NR3C2: variants seen among roughly 807,000 people sequenced by gnomAD.
NR3C2 encodes the protein mineralocorticoid receptor.
In NR3C2, 15 loss-of-function variants were observed where a neutral mutation model predicts 86.4. The observed-to-expected ratio is 0.17, with a 90% CI of 0.12 to 0.27. The LOEUF is 0.27. NR3C2 is among the 10% of genes least tolerant of loss of function. The pLI is 1.00. For missense variants in NR3C2, 960 were observed against 1,195.6 expected, an observed-to-expected ratio of 0.80 and a Z score of 2.91; for synonymous variants, 458 against 450.5, an observed-to-expected ratio of 1.02 and a Z score of -0.21.
At chr4:148,212,751 C>T (rs573156996) in intron 3 of NR3C2, among the ~76,000 whole-genome samples, 10 of 152,306 alleles carry the variant, frequency 6.6e-5, no homozygotes, top group Admixed American at 6.5e-4. Flanking sequence ...AATAGATTCT[C>T]ATTTAATCAA....
At chr4:148,130,112 C>A (rs568174279) in intron 6 of NR3C2, among the ~76,000 whole-genome samples, 69 of 152,130 alleles carry the variant, frequency 4.5e-4, no homozygotes, top group African/African-American at 1.6e-3. Context: ...GGAAAGCATG[C>A]GGGGTAAAAA....
Position 148,436,726 on chromosome 4 carries a change from A to C in NR3C2, c.135T>G (p.Ile45Met), listed in dbSNP as rs775258394. 1.5e-5 allele frequency: 25 copies of C among 1,614,170 alleles called. No individual in the cohort carries two copies. The highest frequency in any genetic ancestry group is 2.1e-5 in the Non-Finnish European group (25 of 1,180,040). Reference protein sequence around the residue: ...ERTDENNYMEIVNVSCVSGAI... With the variant: ...ERTDENNYMEMVNVSCVSGAI... ...CACCGGAAACACAGCTTACGTTGAC[A>C]ATCTCCATGTAGTTATTCTCATCGG... Residue 45 changes from isoleucine to methionine, a missense_variant, in exon 2 of 9, where the codon ATT (isoleucine) becomes ATG (methionine). By Grantham distance (10) the Ile-to-Met change is conservative. Transcript: ENST00000358102.
intron 5 of NR3C2, 53 bp from the exon 6 acceptor site, chr4:148,152,666 C>T (rs753590460): frequency 3.9e-5 from 61 of 1,576,330 alleles, no homozygotes; most frequent in Non-Finnish European, 5.3e-5. Flanking sequence ...TAAGTACATT[C>T]CAGGAAGATG....
intron 8 of NR3C2, among the ~76,000 whole-genome samples, chr4:148,083,207 A>G (rs1235574798): frequency 4.6e-5 from 7 of 152,228 alleles, no homozygotes; most frequent in Admixed American, 3.9e-4. Flanking sequence ...GGTTCTCCCA[A>G]CACAGCACTA....
At chr4:148,092,832 T>G (rs1731118797) in intron 8 of NR3C2, among the ~76,000 whole-genome samples, 2 of 151,482 alleles carry the variant, frequency 1.3e-5, no homozygotes, top group Non-Finnish European at 2.9e-5. Context: ...GGGGTCGGAG[T>G]GGGGAGGGTG....
At chr4:148,298,167 A>G (rs1742156931) in intron 2 of NR3C2, among the ~76,000 whole-genome samples, 1 of 152,242 alleles carries the variant, frequency 6.6e-6, no homozygotes, top group African/African-American at 2.4e-5. Context: ...GAAGCAGCCT[A>G]TAGACAATAA....
intron 3 of NR3C2, among the ~76,000 whole-genome samples, chr4:148,229,237 C>A (rs1433548441): frequency 6.6e-6 from 1 of 152,130 alleles, no homozygotes; most frequent in African/African-American, 2.4e-5. Context: ...GAAATTCACG[C>A]CTTAGGCACT....
chr4:148,222,501 A>C (rs1477545023), intron 3 of NR3C2, among the ~76,000 whole-genome samples: 1 of 152,248 alleles, frequency 6.6e-6, no homozygotes, highest in Non-Finnish European at 1.5e-5. Context: ...CTCTCTGGTA[A>C]AAATGGCAAT....
At chr4:148,381,836 T>C (rs1318110102) in intron 2 of NR3C2, among the ~76,000 whole-genome samples, 1 of 152,188 alleles carries the variant, frequency 6.6e-6, no homozygotes, top group African/African-American at 2.4e-5. Context: ...TGTGTGTATT[T>C]TTCAGATGTT....
intron 3 of NR3C2, among the ~76,000 whole-genome samples, chr4:148,219,100 A>G (rs1410831151): frequency 6.6e-6 from 1 of 152,212 alleles, no homozygotes; most frequent in Non-Finnish European, 1.5e-5. Context: ...GTGTTTTTCC[A>G]TAACCTCACC....
chr4:148,332,974 A>T (rs1410684161), intron 2 of NR3C2, among the ~76,000 whole-genome samples: 2 of 152,288 alleles, frequency 1.3e-5, no homozygotes, highest in East Asian at 3.9e-4. Context: ...TGGATAAAAA[A>T]TAACTTTCTG....
At chr4:148,410,315 T>C (rs1748632417) in intron 2 of NR3C2, among the ~76,000 whole-genome samples, 1 of 152,156 alleles carries the variant, frequency 6.6e-6, no homozygotes. Context: ...AATGAAACAG[T>C]ACTTAAGTTA....
intron 2 of NR3C2, among the ~76,000 whole-genome samples, chr4:148,266,120 T>C (rs369903577): frequency 5.4e-5 from 8 of 147,366 alleles, no homozygotes; most frequent in Non-Finnish European, 1.2e-4. Flanking sequence ...TGTTGCAGGC[T>C]GGAGTGCAGT....
chr4:148,300,198 C>G (rs2149920793), intron 2 of NR3C2, among the ~76,000 whole-genome samples: 1 of 152,330 alleles, frequency 6.6e-6, no homozygotes, highest in South Asian at 2.1e-4. Context: ...TTTGTTTGGC[C>G]TCCACCATTT....
intron 2 of NR3C2, among the ~76,000 whole-genome samples, chr4:148,373,387 G>T (rs1290610018): frequency 6.7e-6 from 1 of 150,248 alleles, no homozygotes; most frequent in African/African-American, 2.5e-5. Flanking sequence ...TTACATTCTT[G>T]TTATCCAGGT....
At chr4:148,092,668 C>G (rs909627657) in intron 8 of NR3C2, among the ~76,000 whole-genome samples, 1 of 152,146 alleles carries the variant, frequency 6.6e-6, no homozygotes, top group African/African-American at 2.4e-5. Context: ...ACCAATATTG[C>G]AAAACTCAAT....
At position 148,375,452 on chromosome 4, in the gene NR3C2, T is replaced by A. The variant is rs182904229; in HGVS notation, c.1757+59652A>T. 1.9e-3 allele frequency among the ~76,000 whole-genome samples: 274 copies of A among 147,964 alleles called. 2 individuals are homozygous for A. The highest frequency in any genetic ancestry group is 6.6e-3 in the African/African-American group (264 of 39,942). On this transcript the variant is annotated intron_variant, in intron 2 of 8. Transcript: ENST00000358102. ...GCCTGGGCGACAGAGCAAGACTCTA[T>A]CTCAAAGAAAGAAAAAAAAAAAAAC... is the stretch of plus-strand genomic sequence containing the variant.
At chr4:148,418,095 C>T (rs1749099253) in intron 2 of NR3C2, among the ~76,000 whole-genome samples, 2 of 152,138 alleles carry the variant, frequency 1.3e-5, no homozygotes, top group Non-Finnish European at 2.9e-5. Context: ...CAGGAAGGGT[C>T]CATGATTCTT....
intron 3 of NR3C2, among the ~76,000 whole-genome samples, chr4:148,210,536 A>G (rs1333817540): frequency 1.3e-5 from 2 of 152,174 alleles, no homozygotes; most frequent in African/African-American, 4.8e-5. Flanking sequence ...CTCCAGACCC[A>G]AGCCCAGTGA....
Sources: gnomAD v4.1 joint callset for allele counts (sites outside exome capture counted in the v4.1 genomes callset) on GRCh38, gnomAD v4.1.1 for gene constraint, MANE v1.5 for transcripts, NCBI Gene and HGNC (gene_info 2026-07-23, HGNC 2026-07-21) for gene names.